ELP2: variants seen among roughly 807,000 people sequenced by gnomAD.
The protein encoded by ELP2 is elongator complex protein 2.
A neutral mutation model predicts 119.2 loss-of-function variants in ELP2; 90 were observed. The ratio of observed to expected loss-of-function variants is 0.75; its 90% CI spans 0.64 to 0.90. The LOEUF (loss-of-function observed/expected upper bound fraction) is 0.90. ELP2 is among the 40% of genes least tolerant of loss of function. The pLI is 0.00. For missense variants in ELP2, 921 were observed against 967.8 expected (o/e 0.95, Z 0.64); for synonymous variants, 339 against 331.0 (o/e 1.02, Z -0.26).
chr18:36,171,857 C>T (rs1466810424), intron 21 of ELP2, among the ~76,000 whole-genome samples: 1 of 152,216 alleles, frequency 6.6e-6, no homozygotes, highest in African/African-American at 2.4e-5. Context: ...GCTGGGACTA[C>T]AGACACGCAC....
rs2090099910 is a variant in ELP2, at chr18:36,143,407, C to T, written c.796+441C>T. ...AAAGTGCTGGGATTACAGGTGTGAG[C>T]CACCGTGCCTGGCCTTTTTTTTTTT... On this transcript the variant is annotated intron_variant, in intron 8 of 21. Coordinates refer to ENST00000358232, the MANE Select transcript of ELP2 (RefSeq NM_018255.4). 2.0e-5 allele frequency among the ~76,000 whole-genome samples: 3 copies of T among 148,458 alleles called. No homozygotes were observed. In the South Asian group the frequency reaches 6.4e-4, roughly 32 times the overall value.
intron 21 of ELP2, among the ~76,000 whole-genome samples, chr18:36,172,845 T>C (rs2144835491): frequency 6.6e-6 from 1 of 152,314 alleles, no homozygotes; most frequent in African/African-American, 2.4e-5. Context: ...TCTTTGGTCA[T>C]TATGGTGACT....
chr18:36,149,116 T>C (rs762326231), intron 11 of ELP2, among the ~76,000 whole-genome samples: 50 of 152,258 alleles, frequency 3.3e-4, no homozygotes, highest in Non-Finnish European at 6.0e-4. Flanking sequence ...TAATGTGATA[T>C]TGAATTTTCC....
rs201797653 is a variant in ELP2 at position 36,148,092 on chromosome 18, G to GTT, written c.1125+1715_1125+1716dup. Among the ~76,000 whole-genome samples the GTT allele has an allele frequency of 2.1e-4, 24 of 113,890 alleles. 2 individuals are homozygous for GTT. The highest frequency in any genetic ancestry group is 7.7e-4 in the East Asian group (2 of 2,600). The allele number at this position is 113,890 out of a possible 152,430, so 74.7% of individuals were successfully genotyped here. On this transcript the variant is annotated intron_variant, in intron 11 of 21. Transcript: ENST00000358232. ...CAGGGTGGAACCCTCTCATGGTCAG[G>GTT]TTTTTGTTTTTTTTTTTTTGAGATG...
intron 18 of ELP2, among the ~76,000 whole-genome samples, chr18:36,165,854 C>T (rs1237638462): frequency 6.6e-6 from 1 of 152,004 alleles, no homozygotes; most frequent in Non-Finnish European, 1.5e-5. Flanking sequence ...TGCACTCCAG[C>T]CTAGGCGACA....
At chr18:36,157,233 A>C (rs1785921) in intron 13 of ELP2, among the ~76,000 whole-genome samples, 47,341 of 152,042 alleles carry the variant, frequency 0.31, 7,864 homozygotes, top group Middle Eastern at 0.42. Context: ...ATGGATTATA[A>C]AAATTATGAA....
At chr18:36,164,100 A>G (rs1360036197) in intron 17 of ELP2, among the ~76,000 whole-genome samples, 1 of 151,670 alleles carries the variant, frequency 6.6e-6, no homozygotes, top group Non-Finnish European at 1.5e-5. Flanking sequence ...TTAAAAGTAA[A>G]CCCTTTATTT....
At chr18:36,154,118 T>C (rs948680723) in intron 11 of ELP2, among the ~76,000 whole-genome samples, 1 of 150,700 alleles carries the variant, frequency 6.6e-6, no homozygotes, top group Non-Finnish European at 1.5e-5. Context: ...CACAGACTTA[T>C]CCATCAGATT....
chr18:36,174,543 G>A lies in ELP2; in HGVS notation c.2383G>A (p.Glu795Lys), dbSNP rs1387823745. ...CTGGAAGAATTGCAGTGGAAAAACT[G>A]AACAGAAGGAAGCAGAAGGTGCTGA... ...LCWKNCSGKT[E>K]QKEAEGAEWL... The change falls in exon 22 of 22, where the codon GAA (glutamate) becomes AAA (lysine). Residue 795 changes from glutamate (E) to lysine (K), a missense_variant. Physicochemically the swap from Glu to Lys is moderately conservative, Grantham distance 56. Coordinates refer to ENST00000358232, the MANE Select transcript of ELP2 (RefSeq NM_018255.4). 4 of 1,613,976 alleles carry A rather than the reference G, an allele frequency of 2.5e-6. No individual in the cohort carries two copies. The African/African-American group carries it at 5.3e-5, about 22-fold the overall frequency.
rs2091276013 is a variant in ELP2 at position 36,178,763 on chromosome 18, C to T, written c.*4122C>T. On this transcript the variant is annotated 3_prime_UTR_variant, in exon 22 of 22. Transcript: ENST00000358232. ...AAAAAGTTCTCTTGAATCATAATTT[C>T]AGTATTTATGGATGAAATCAATTTA... 1 of 149,792 alleles carries T rather than the reference C, an allele frequency of 6.7e-6. No individual in the cohort carries two copies. The highest frequency in any genetic ancestry group is 1.5e-5 in the Non-Finnish European group (1 of 67,774). 9.3% of individuals were successfully genotyped at this position (149,792 alleles called of 1,614,324 possible). A position where few individuals can be genotyped will look rare whatever the true frequency, so the allele number is the denominator to read the frequency against.
At chr18:36,155,213 A>G (rs1279483120) in intron 12 of ELP2, among the ~76,000 whole-genome samples, 1 of 145,476 alleles carries the variant, frequency 6.9e-6, no homozygotes, top group Non-Finnish European at 1.5e-5. Context: ...GGGTTTCACC[A>G]TGTTGGCCAG....
At chr18:36,151,934 A>G (rs889513528) in intron 11 of ELP2, among the ~76,000 whole-genome samples, 61 of 147,192 alleles carry the variant, frequency 4.1e-4, no homozygotes, top group African/African-American at 1.5e-3. Flanking sequence ...TTGTATTTTT[A>G]GGAGAGACGG....
intron 1 of ELP2, among the ~76,000 whole-genome samples, chr18:36,132,988 G>A (rs909206132): frequency 6.6e-6 from 1 of 152,134 alleles, no homozygotes; most frequent in African/African-American, 2.4e-5. Flanking sequence ...GGTGGATGCA[G>A]ACGCGAGAGC....
At chr18:36,139,313 A>G in intron 5 of ELP2, 1 of 1,123,594 alleles carries the variant, frequency 8.9e-7, no homozygotes, top group South Asian at 1.6e-5. Flanking sequence ...AAATCTGCAA[A>G]CAGAAAAATT....
chr18:36,171,383 A>G (rs1240623580), intron 21 of ELP2, among the ~76,000 whole-genome samples: 2 of 152,244 alleles, frequency 1.3e-5, no homozygotes, highest in African/African-American at 4.8e-5. Context: ...TTGCATGCAT[A>G]ATATTATTTT....
At chr18:36,149,488 G>GTTT (rs71166097) in intron 11 of ELP2, among the ~76,000 whole-genome samples, 5 of 125,080 alleles carry the variant, frequency 4.0e-5, no homozygotes, top group Non-Finnish European at 4.8e-5. Flanking sequence ...GTTTTGTTTT[G>GTTT]TTTTTTTTTT....
At chr18:36,155,264 T>TCCCCCCCCCCC (rs60227416) in intron 12 of ELP2, among the ~76,000 whole-genome samples, 1 of 100,286 alleles carries the variant, frequency 1.0e-5, no homozygotes, top group African/African-American at 4.3e-5. Context: ...GCACCGCCCC[T>TCCCCCCCCCCC]CCCCCCCCCC....
chr18:36,152,391 A>C (rs1789507), intron 11 of ELP2, among the ~76,000 whole-genome samples: 54,823 of 152,038 alleles, frequency 0.36, 9,994 homozygotes, highest in Middle Eastern at 0.44. Flanking sequence ...CAAGTTTAAT[A>C]AGGCTTCTTG....
intron 11 of ELP2, among the ~76,000 whole-genome samples, chr18:36,151,564 G>A (rs1045778297): frequency 6.6e-6 from 1 of 151,966 alleles, no homozygotes; most frequent in Admixed American, 6.6e-5. Flanking sequence ...TAACACTTAG[G>A]AAAGCTGAGG....
Sources: gnomAD v4.1 joint callset for allele counts (sites outside exome capture counted in the v4.1 genomes callset) on GRCh38, gnomAD v4.1.1 for gene constraint, MANE v1.5 for transcripts, NCBI Gene and HGNC (gene_info 2026-07-23, HGNC 2026-07-21) for gene names.